The following DUS2 variants were observed in gnomAD, a reference collection of about 807,000 sequenced individuals.
The protein encoded by DUS2 is dihydrouridine synthase 2, also known as tRNA-dihydrouridine(20) synthase [NAD(P)+]-like.
Under a neutral mutation model 71.3 loss-of-function variants are expected in DUS2, and 52 were observed. That is an observed-to-expected ratio of 0.73 (90% CI 0.58 to 0.92). The LOEUF is 0.92. Ranked by LOEUF, DUS2 falls within the 40% of genes least tolerant of loss-of-function variation. The pLI, the probability that DUS2 is intolerant of heterozygous loss-of-function variation, is 0.00. For missense variants in DUS2, 558 were observed against 622.6 expected (o/e 0.90, Z 1.10); for synonymous variants, 204 against 227.8 (o/e 0.90, Z 0.94).
intron 1 of DUS2, among the ~76,000 whole-genome samples, chr16:68,024,968 A>G (rs2033324880): frequency 6.6e-6 from 1 of 150,990 alleles, no homozygotes; most frequent in Non-Finnish European, 1.5e-5. Flanking sequence ...AGTAGCTGGG[A>G]TTAGAGGTGT....
intron 12 of DUS2, 42 bp from the exon 13 acceptor site, chr16:68,073,992 T>C (rs1567483031): frequency 1.2e-6 from 2 of 1,612,116 alleles, no homozygotes; most frequent in Admixed American, 3.3e-5. Context: ...GCCCAGGCCT[T>C]AGAGCCTGCC....
intron 12 of DUS2, among the ~76,000 whole-genome samples, chr16:68,072,339 G>C (rs952264806): frequency 1.3e-5 from 2 of 152,224 alleles, no homozygotes; most frequent in Admixed American, 6.5e-5. Flanking sequence ...CATGGCAAGG[G>C]AGGGCTTGCC....
intron 15 of DUS2, 40 bp from the exon 16 acceptor site, chr16:68,078,405 C>T (rs780814214): frequency 1.4e-5 from 23 of 1,594,456 alleles, no homozygotes; most frequent in African/African-American, 2.7e-5. Context: ...CTACAGGGCT[C>T]ATTTCTCTGG....
intron 2 of DUS2, among the ~76,000 whole-genome samples, chr16:68,031,166 G>T (rs1415453396): frequency 2.0e-5 from 3 of 151,956 alleles, no homozygotes; most frequent in Non-Finnish European, 4.4e-5. Flanking sequence ...GGAAACTCAT[G>T]AACTCTTTTT....
intron 2 of DUS2, among the ~76,000 whole-genome samples, chr16:68,033,771 A>C (rs887258804): frequency 1.3e-5 from 2 of 150,834 alleles, no homozygotes; most frequent in African/African-American, 4.9e-5. Flanking sequence ...AGCTGGGATT[A>C]CAGGCGCATG....
At chr16:68,040,926 C>G (rs764165358) in intron 3 of DUS2, among the ~76,000 whole-genome samples, 1 of 152,062 alleles carries the variant, frequency 6.6e-6, no homozygotes, top group Non-Finnish European at 1.5e-5. Context: ...CATGTAGGCA[C>G]CTCCTTAAAA....
At chr16:68,060,944 C>T in intron 7 of DUS2, 122 bp from the exon 8 acceptor site, 3 of 802,122 alleles carry the variant, frequency 3.7e-6, no homozygotes, top group Non-Finnish European at 6.3e-6. Flanking sequence ...TGCCGGTTGC[C>T]AGTGGGCCTT....
At chr16:68,057,245 TATAG>T (rs1374256114) in intron 7 of DUS2, among the ~76,000 whole-genome samples, 1 of 143,402 alleles carries the variant, frequency 7.0e-6, no homozygotes. Flanking sequence ...CATATATATA[TATAG>T]AGAGAGAGAG....
intron 3 of DUS2, among the ~76,000 whole-genome samples, chr16:68,044,229 A>C (rs547649504): frequency 6.6e-6 from 1 of 152,098 alleles, no homozygotes; most frequent in Non-Finnish European, 1.5e-5. Flanking sequence ...TTGCATTGCT[A>C]TATGAATTTT....
chr16:68,049,865 T>C (rs2033754330), intron 4 of DUS2, among the ~76,000 whole-genome samples: 1 of 152,220 alleles, frequency 6.6e-6, no homozygotes, highest in Non-Finnish European at 1.5e-5. Flanking sequence ...ACTTGCTAGA[T>C]GTGTGACCTT....
At position 68,075,372 on chromosome 16, in the gene DUS2, G is replaced by C; in HGVS notation, c.950G>C (p.Gly317Ala). 6.2e-7 allele frequency: 1 copy of C among 1,609,610 alleles called. No individual in the cohort carries two copies. Among genetic ancestry groups the C allele is most frequent in the South Asian group, 1.1e-5 (1 of 89,958 alleles). ...CTCCCTAGTGAGGCCTTTGGCCTTGGTGCCTTCTATGAGGAGACCACACAG... is the reference window on the plus strand; with the variant it reads ...CTCCCTAGTGAGGCCTTTGGCCTTGCTGCCTTCTATGAGGAGACCACACAG... ...SREICEAFGL[G>A]AFYEETTQEL... Residue 317 changes from glycine (G) to alanine (A), a missense_variant, in exon 14 of 17, where the codon GGT becomes GCT. By Grantham distance (60) the Gly-to-Ala change is moderately conservative. Transcript: ENST00000565263.
intron 2 of DUS2, among the ~76,000 whole-genome samples, chr16:68,028,921 G>A (rs1486483928): frequency 6.6e-6 from 1 of 152,130 alleles, no homozygotes; most frequent in Admixed American, 6.6e-5. Context: ...CTGTATCAGG[G>A]CTGGGCACAG....
intron 3 of DUS2, among the ~76,000 whole-genome samples, chr16:68,045,271 A>G (rs1315649822): frequency 1.3e-5 from 2 of 151,768 alleles, no homozygotes; most frequent in Admixed American, 6.6e-5. Flanking sequence ...TCCTGTGTGT[A>G]TATGTATGGG....
intron 3 of DUS2, among the ~76,000 whole-genome samples, chr16:68,041,262 G>A (rs1443141980): frequency 6.6e-6 from 1 of 152,090 alleles, no homozygotes; most frequent in African/African-American, 2.4e-5. Flanking sequence ...TGGAGGATGA[G>A]CCAGTCTGTA....
intron 15 of DUS2, 125 bp downstream of exon 15, chr16:68,076,844 G>T (rs910212103): frequency 1.9e-5 from 13 of 689,556 alleles, no homozygotes; most frequent in Non-Finnish European, 2.8e-5. Context: ...AGCTGCTGGT[G>T]GCCAGGTCAG....
At chr16:68,051,185 G>A (rs985633727) in intron 4 of DUS2, among the ~76,000 whole-genome samples, 1 of 152,148 alleles carries the variant, frequency 6.6e-6, no homozygotes, top group African/African-American at 2.4e-5. Flanking sequence ...CTATTGTGGA[G>A]CTTCTTTAGG....
At chr16:68,072,094 C>T (rs1323382941) in intron 12 of DUS2, among the ~76,000 whole-genome samples, 3 of 152,218 alleles carry the variant, frequency 2.0e-5, no homozygotes, top group Non-Finnish European at 4.4e-5. Context: ...CAGAGTTCCA[C>T]CCTCCTCTTC....
chr16:68,054,272 C>T (rs1400692569), intron 5 of DUS2, among the ~76,000 whole-genome samples: 2 of 152,074 alleles, frequency 1.3e-5, no homozygotes, highest in African/African-American at 4.8e-5. Context: ...GCAAATCTAG[C>T]AAAATGTTAA....
chr16:68,040,574 C>G (rs138590154), intron 3 of DUS2, among the ~76,000 whole-genome samples: 88 of 152,298 alleles, frequency 5.8e-4, no homozygotes, highest in African/African-American at 1.9e-3. Context: ...TTGATGTGCT[C>G]TTCCCTGAGA....
Sources: gnomAD v4.1 joint callset for allele counts (sites outside exome capture counted in the v4.1 genomes callset) on GRCh38, gnomAD v4.1.1 for gene constraint, MANE v1.5 for transcripts, NCBI Gene and HGNC (gene_info 2026-07-23, HGNC 2026-07-21) for gene names.